Variants in MPZL1 observed in about 807,000 individuals in gnomAD.
MPZL1 encodes the protein myelin protein zero like 1.
In MPZL1, 16 loss-of-function variants were observed where a neutral mutation model predicts 29.3. That is an observed-to-expected ratio of 0.55 (90% confidence interval 0.37 to 0.83). MPZL1 has a LOEUF of 0.83. Among genes scored for constraint, MPZL1 ranks in the 40% least tolerant of loss-of-function variants. MPZL1 has a pLI of 0.00. For synonymous variants in MPZL1, 143 were observed against 132.0 expected, an observed-to-expected ratio of 1.08 and a Z score of -0.57; for missense variants, 279 against 332.9, an observed-to-expected ratio of 0.84 and a Z score of 1.26.
At chr1:167,772,967 G>A (rs1419582858) in intron 3 of MPZL1, among the ~76,000 whole-genome samples, 4 of 152,266 alleles carry the variant, frequency 2.6e-5, no homozygotes, top group African/African-American at 9.6e-5. Context: ...AGTAGATCCA[G>A]GTAAATTCAC....
chr1:167,766,077 A>G (rs1440550489), intron 2 of MPZL1, among the ~76,000 whole-genome samples: 1 of 150,806 alleles, frequency 6.6e-6, no homozygotes, highest in Non-Finnish European at 1.5e-5. Context: ...TGTTTTATGT[A>G]TTATCAAATT....
At chr1:167,746,984 A>G (rs1007412912) in intron 1 of MPZL1, among the ~76,000 whole-genome samples, 2 of 152,220 alleles carry the variant, frequency 1.3e-5, no homozygotes, top group African/African-American at 4.8e-5. Flanking sequence ...AACAAGAGAC[A>G]CAGAAAATTT....
chr1:167,745,786 G>T (rs536779857), intron 1 of MPZL1, among the ~76,000 whole-genome samples: 2 of 152,174 alleles, frequency 1.3e-5, no homozygotes, highest in African/African-American at 4.8e-5. Context: ...CCAGAAGCCA[G>T]GGAGACGCTG....
At position 167,773,381 on chromosome 1, in the gene MPZL1, G is replaced by T. The variant is rs745542765; in HGVS notation, c.605+13G>T. ...GGGATTACACTGGGTAAGAAACACT[G>T]TTTTTTTAGGGCAGGGGTGGAGGGA... On this transcript the variant is annotated intron_variant, in intron 4 of 5. Transcript: ENST00000359523. 1.2e-6 allele frequency: 2 copies of T among 1,608,008 alleles called. No homozygotes were observed. The highest frequency in any genetic ancestry group is 2.7e-5 in the African/African-American group (2 of 74,710).
chr1:167,772,207 T>C lies in MPZL1; in HGVS notation c.259-68T>C, dbSNP rs145864413. 4.3e-4 allele frequency: 545 copies of C among 1,252,880 alleles called. 1 individual carries two copies. In the African/African-American group the frequency reaches 7.4e-3, roughly 17 times the overall value. The allele number at this position is 1,252,880 out of a possible 1,614,324, so 77.6% of individuals were successfully genotyped here. ...GTCTTTAAAAGAACCTTTCATAGCATGCACATTACAGAGTTTAGGAATTCT... is the reference window on the plus strand; with the variant it reads ...GTCTTTAAAAGAACCTTTCATAGCACGCACATTACAGAGTTTAGGAATTCT... On this transcript the variant is annotated intron_variant, in intron 2 of 5. Transcript: ENST00000359523.
Position 167,722,184 on chromosome 1 carries a change from T to A in MPZL1, c.33T>A (p.Ile11=), listed in dbSNP as rs1159202235. Residue 11 remains isoleucine (I), a synonymous_variant, in exon 1 of 6, where the codon ATT becomes ATA. Coordinates refer to ENST00000359523, the MANE Select transcript of MPZL1 (RefSeq NM_003953.6). ...CGTCCGCCGGAGCCGGGGCGGTGAT[T>A]GCAGCCCCAGACAGCCGGCGCTGGC... MAASAGAGAV[I]AAPDSRRWLW... The A allele has an allele frequency of 4.0e-6, 5 of 1,238,156 alleles. No individual in the cohort carries two copies. 76.7% of individuals were successfully genotyped at this position (1,238,156 alleles called of 1,614,324 possible).
At chr1:167,739,312 C>CATATATATAT (rs1346286313) in intron 1 of MPZL1, among the ~76,000 whole-genome samples, 3 of 82,076 alleles carry the variant, frequency 3.7e-5, no homozygotes, top group African/African-American at 1.9e-4. Flanking sequence ...TATATATACA[C>CATATATATAT]ATATATATAT....
At chr1:167,787,570 C>CA (rs1168439385) in intron 5 of MPZL1, among the ~76,000 whole-genome samples, 1 of 152,092 alleles carries the variant, frequency 6.6e-6, no homozygotes, top group Admixed American at 6.5e-5. Flanking sequence ...TTTCAAACAT[C>CA]AAAAAGGTTT....
intron 1 of MPZL1, among the ~76,000 whole-genome samples, chr1:167,724,886 A>G (rs1660109785): frequency 6.6e-6 from 1 of 152,204 alleles, no homozygotes; most frequent in South Asian, 2.1e-4. Flanking sequence ...CAGAGAGCCA[A>G]AGACGGAGTT....
At chr1:167,765,451 A>G in intron 1 of MPZL1, 132 bp from the exon 2 acceptor site, 1 of 639,428 alleles carries the variant, frequency 1.6e-6, no homozygotes, top group East Asian at 3.1e-5. Context: ...ATATTCTGCC[A>G]GAAATATGTA....
At chr1:167,725,321 G>A (rs994002493) in intron 1 of MPZL1, among the ~76,000 whole-genome samples, 38 of 151,912 alleles carry the variant, frequency 2.5e-4, no homozygotes, top group Admixed American at 1.7e-3. Flanking sequence ...GCTCTGTCTC[G>A]CCCAGGCTGG....
chr1:167,728,660 CTG>C (rs57033445), intron 1 of MPZL1, among the ~76,000 whole-genome samples: 25,566 of 152,090 alleles, frequency 0.17, 2,232 homozygotes, highest in East Asian at 0.2. Context: ...TCTCTAGAAA[CTG>C]TGATACCTTA....
intron 1 of MPZL1, among the ~76,000 whole-genome samples, chr1:167,738,193 G>A (rs1055676329): frequency 5.9e-5 from 9 of 152,042 alleles, no homozygotes. Flanking sequence ...CAAAGTGCTA[G>A]GATTATAGGA....
intron 5 of MPZL1, among the ~76,000 whole-genome samples, chr1:167,779,565 ACAGAGT>A (rs1034929439): frequency 3.9e-5 from 6 of 152,142 alleles, no homozygotes; most frequent in African/African-American, 1.4e-4. Flanking sequence ...AGCCTGGGCA[ACAGAGT>A]GAGACTCCAT....
intron 1 of MPZL1, among the ~76,000 whole-genome samples, chr1:167,743,396 C>T (rs1330255238): frequency 3.3e-5 from 5 of 151,762 alleles, no homozygotes; most frequent in Non-Finnish European, 7.4e-5. Flanking sequence ...TTAGTAGAGA[C>T]GGGGTTTCAC....
intron 4 of MPZL1, chr1:167,773,865 C>G (rs545788437): frequency 1.3e-5 from 2 of 150,612 alleles, no homozygotes; most frequent in African/African-American, 4.9e-5. Context: ...TGAATCTAGC[C>G]TAGGCAACAT....
At chr1:167,775,845 C>T (rs186348002) in intron 4 of MPZL1, among the ~76,000 whole-genome samples, 29 of 152,110 alleles carry the variant, frequency 1.9e-4, no homozygotes, top group Admixed American at 9.2e-4. Context: ...TCTGTGCCTC[C>T]CCCAGTGATG....
At position 167,745,405 on chromosome 1, in the gene MPZL1, T is replaced by C. The variant is rs191177498; in HGVS notation, c.92-20178T>C. On this transcript the variant is annotated intron_variant, in intron 1 of 5. Coordinates refer to ENST00000359523, the MANE Select transcript of MPZL1 (RefSeq NM_003953.6). ...GAATAGAAGATTCAGCAGACTAATG[T>C]CAAGAATGTTTTTGGAACCTTGAAC... Among the ~76,000 whole-genome samples the C allele has an allele frequency of 1.5e-3, 231 of 152,252 alleles. 3 individuals are homozygous for C. The highest frequency in any genetic ancestry group is 5.5e-3 in the African/African-American group (230 of 41,574).
chr1:167,790,711 A>G lies in MPZL1; in HGVS notation c.*2790A>G, dbSNP rs1661693813. 1 of 152,238 alleles carries G rather than the reference A, an allele frequency of 6.6e-6. No homozygotes were observed. Among genetic ancestry groups the G allele is most frequent in the Admixed American group, 6.5e-5 (1 of 15,280 alleles). 9.4% of individuals were successfully genotyped at this position (152,238 alleles called of 1,614,324 possible). On this transcript the variant is annotated 3_prime_UTR_variant, in exon 6 of 6. Transcript: ENST00000359523. ...GAGATTGAAATTTCAAACTATCTCT[A>G]GTTTTTCAATGGAAATATATCAGCT... is the stretch of plus-strand genomic sequence containing the variant.
Sources: allele counts gnomAD v4.1 joint callset (sites outside exome capture counted in the v4.1 genomes callset), GRCh38; gene constraint gnomAD v4.1.1; transcripts MANE v1.5; gene names NCBI Gene and HGNC (gene_info 2026-07-23, HGNC 2026-07-21).